The following CCDC7 variants were observed in gnomAD, a reference collection of about 807,000 sequenced individuals.
CCDC7 encodes coiled-coil domain-containing protein 7.
In CCDC7, 183 loss-of-function variants were observed where a neutral mutation model predicts 196.9. The observed-to-expected ratio is 0.93, with a 90% confidence interval of 0.82 to 1.05. The LOEUF (loss-of-function observed/expected upper bound fraction) is 1.05. CCDC7 is among the 50% of genes least tolerant of loss of function. CCDC7 has a pLI of 0.00. For missense variants in CCDC7, 1,540 were observed against 1,482.2 expected, an observed-to-expected ratio of 1.04 and a Z score of -0.64; for synonymous variants, 525 against 484.6, an observed-to-expected ratio of 1.08 and a Z score of -1.10.
At chr10:32,773,869 G>C (rs558300730) in intron 28 of CCDC7, among the ~76,000 whole-genome samples, 1 of 152,070 alleles carries the variant, frequency 6.6e-6, no homozygotes, top group African/African-American at 2.4e-5. Context: ...GTCTGGGGAA[G>C]ACTTATAGTG....
At chr10:32,703,517 A>G (rs1325731567) in intron 24 of CCDC7, among the ~76,000 whole-genome samples, 1 of 151,914 alleles carries the variant, frequency 6.6e-6, no homozygotes, top group Non-Finnish European at 1.5e-5. Flanking sequence ...CTCGAGGAGT[A>G]TCTTTGTGGC....
intron 30 of CCDC7, 52 bp from the exon 32 acceptor site, chr10:32,814,318 T>C: frequency 8.2e-7 from 1 of 1,214,750 alleles, no homozygotes; most frequent in Non-Finnish European, 1.2e-6. Context: ...ACTGTCACAT[T>C]TGTGTATAAA....
At chr10:32,849,318 A>G (rs772563757) in intron 39 of CCDC7, among the ~76,000 whole-genome samples, 42 of 152,076 alleles carry the variant, frequency 2.8e-4, no homozygotes, top group Non-Finnish European at 1.0e-4. Flanking sequence ...TTATCAATTC[A>G]CCCATATGTA....
At chr10:32,588,263 A>G (rs2059476097) in intron 18 of CCDC7, among the ~76,000 whole-genome samples, 1 of 152,234 alleles carries the variant, frequency 6.6e-6, no homozygotes, top group African/African-American at 2.4e-5. Flanking sequence ...AAAATGGACT[A>G]AGGCAGGTAT....
chr10:32,668,048 GC>G (rs1215226473), intron 21 of CCDC7, among the ~76,000 whole-genome samples: 1 of 152,000 alleles, frequency 6.6e-6, no homozygotes, highest in African/African-American at 2.4e-5. Flanking sequence ...ATTTCATTGA[GC>G]AGTGGTTTGT....
intron 32 of CCDC7, among the ~76,000 whole-genome samples, chr10:32,828,509 AGAAG>A (rs1565634983): frequency 2.9e-5 from 4 of 135,778 alleles, no homozygotes; most frequent in African/African-American, 1.1e-4. Context: ...AAGAAGAAGA[AGAAG>A]AAGAAGAAGA....
intron 21 of CCDC7, among the ~76,000 whole-genome samples, chr10:32,667,270 C>T (rs903915275): frequency 1.3e-5 from 2 of 152,104 alleles, no homozygotes; most frequent in South Asian, 2.1e-4. Context: ...TGGATATTAG[C>T]CCTTTGTCAG....
Position 32,686,532 on chromosome 10 carries a change from C to T in CCDC7, c.2233+452C>T, listed in dbSNP as rs979222737. On this transcript the variant is annotated intron_variant, in intron 22 of 41. Coordinates refer to ENST00000639629, the Ensembl canonical transcript of CCDC7. ...GCATAGGAGGCCTGTTGGATGGACTCGAGGGCATTCTGTTGGTTGGGGCCT... is the reference window on the plus strand; with the variant it reads ...GCATAGGAGGCCTGTTGGATGGACTTGAGGGCATTCTGTTGGTTGGGGCCT... 3.5e-4 allele frequency among the ~76,000 whole-genome samples: 54 copies of T among 152,166 alleles called. 2 individuals are homozygous for T. Among genetic ancestry groups the T allele is most frequent in the Non-Finnish European group, 5.9e-5 (4 of 68,032 alleles).
At chr10:32,653,861 G>C (rs1468972398) in intron 20 of CCDC7, among the ~76,000 whole-genome samples, 2 of 152,040 alleles carry the variant, frequency 1.3e-5, no homozygotes, top group Non-Finnish European at 2.9e-5. Flanking sequence ...GAAGATTAAT[G>C]CTTTAACAAA....
intron 13 of CCDC7, among the ~76,000 whole-genome samples, chr10:32,556,212 T>G (rs979220993): frequency 6.6e-6 from 1 of 152,214 alleles, no homozygotes; most frequent in South Asian, 2.1e-4. Context: ...TTCAATTAAG[T>G]CTAGATTTGT....
chr10:32,522,694 C>T (rs962479143), intron 11 of CCDC7, among the ~76,000 whole-genome samples: 2 of 151,894 alleles, frequency 1.3e-5, no homozygotes, highest in Admixed American at 6.6e-5. Flanking sequence ...ATTATTTCTT[C>T]TACTAATTTT....
chr10:32,773,602 A>AT (rs1228691763), intron 28 of CCDC7, among the ~76,000 whole-genome samples: 6 of 151,706 alleles, frequency 4.0e-5, no homozygotes, highest in African/African-American at 9.7e-5. Flanking sequence ...TTCTATCTGT[A>AT]TTTTTTTGTA....
chr10:32,813,471 T>C (rs958653233), intron 30 of CCDC7, among the ~76,000 whole-genome samples: 3 of 152,194 alleles, frequency 2.0e-5, no homozygotes, highest in Non-Finnish European at 4.4e-5. Flanking sequence ...TATCTTGTAA[T>C]GTTTTTCATA....
At chr10:32,848,669 A>G in exon 39 of CCDC7, 1 of 1,548,654 alleles carries the variant, frequency 6.5e-7, no homozygotes, top group South Asian at 1.1e-5. Context: ...GCATTACACC[A>G]AGTAAATTCC....
At chr10:32,526,187 A>G (rs1018790235) in intron 11 of CCDC7, among the ~76,000 whole-genome samples, 1 of 152,210 alleles carries the variant, frequency 6.6e-6, no homozygotes, top group Non-Finnish European at 1.5e-5. Context: ...CCCTGTGGCC[A>G]CCACCACAAA....
chr10:32,759,702 A>G (rs1433645791), intron 28 of CCDC7, among the ~76,000 whole-genome samples: 3 of 152,252 alleles, frequency 2.0e-5, no homozygotes, highest in African/African-American at 7.2e-5. Context: ...TTCATGTCTA[A>G]AACACCAAAA....
At chr10:32,762,095 A>G (rs1291863184) in intron 28 of CCDC7, among the ~76,000 whole-genome samples, 3 of 151,998 alleles carry the variant, frequency 2.0e-5, no homozygotes. Context: ...GTGTCATACA[A>G]TTGGGAAATA....
At chr10:32,824,171 C>G (rs2090741776) in intron 31 of CCDC7, among the ~76,000 whole-genome samples, 1 of 151,868 alleles carries the variant, frequency 6.6e-6, no homozygotes, top group African/African-American at 2.4e-5. Context: ...ATGTTATTAC[C>G]ACAAACTATC....
At chr10:32,730,412 T>C (rs1325995647) in intron 28 of CCDC7, among the ~76,000 whole-genome samples, 1 of 152,090 alleles carries the variant, frequency 6.6e-6, no homozygotes, top group Non-Finnish European at 1.5e-5. Context: ...ACTCCATTTT[T>C]TATCATCATA....
Sources: gnomAD v4.1 joint callset for allele counts (sites outside exome capture counted in the v4.1 genomes callset) on GRCh38, gnomAD v4.1.1 for gene constraint, MANE v1.5 for transcripts, NCBI Gene and HGNC (gene_info 2026-07-23, HGNC 2026-07-21) for gene names.